The following MAP2 variants were observed in gnomAD, a reference collection of about 807,000 sequenced individuals.
MAP2 encodes the protein microtubule-associated protein 2.
In MAP2, 14 loss-of-function variants were observed where a neutral mutation model predicts 137.6. The ratio of observed to expected loss-of-function variants is 0.10; its 90% confidence interval spans 0.07 to 0.16. MAP2 has a LOEUF of 0.16. Ranked by LOEUF, MAP2 falls within the 10% of genes least tolerant of loss-of-function variation. The pLI is 1.00. For missense variants in MAP2, 2,088 were observed against 2,191.5 expected, an observed-to-expected ratio of 0.95 and a Z score of 0.94; for synonymous variants, 786 against 782.3, an observed-to-expected ratio of 1.00 and a Z score of -0.08.
chr2:209,506,588 C>T (rs984927994), intron 1 of MAP2, among the ~76,000 whole-genome samples: 2 of 152,182 alleles, frequency 1.3e-5, no homozygotes, highest in South Asian at 4.1e-4. Context: ...GTTCAAGAGA[C>T]AGGCTGACTT....
intron 2 of MAP2, among the ~76,000 whole-genome samples, chr2:209,521,588 G>A (rs1269841961): frequency 6.6e-6 from 1 of 151,774 alleles, no homozygotes; most frequent in Non-Finnish European, 1.5e-5. Context: ...AGGTTGTTAG[G>A]ACTGATATCT....
chr2:209,524,486 C>T (rs578258103), intron 2 of MAP2, among the ~76,000 whole-genome samples: 3 of 150,490 alleles, frequency 2.0e-5, no homozygotes, highest in South Asian at 2.1e-4. Flanking sequence ...TTAGTAGCCT[C>T]GAAACATGAG....
intron 2 of MAP2, among the ~76,000 whole-genome samples, chr2:209,527,785 C>T (rs568520651): frequency 1.3e-5 from 2 of 152,260 alleles, no homozygotes; most frequent in Admixed American, 1.3e-4. Context: ...TGGGCTCCAC[C>T]CCAGACCTAG....
intron 2 of MAP2, among the ~76,000 whole-genome samples, chr2:209,531,010 A>T (rs1023716330): frequency 1.3e-5 from 2 of 152,228 alleles, no homozygotes; most frequent in African/African-American, 4.8e-5. Context: ...AAATACAAAT[A>T]CAAAGTCCAC....
intron 1 of MAP2, among the ~76,000 whole-genome samples, chr2:209,453,289 C>A (rs1700718245): frequency 6.6e-6 from 1 of 152,008 alleles, no homozygotes. Flanking sequence ...CTCGTATTTT[C>A]TTTGTTTAAG....
chr2:209,711,497 A>T (rs894843574), intron 13 of MAP2, among the ~76,000 whole-genome samples: 1 of 152,194 alleles, frequency 6.6e-6, no homozygotes, highest in South Asian at 2.1e-4. Flanking sequence ...GAACAATGAT[A>T]ACATTCTATA....
intron 1 of MAP2, among the ~76,000 whole-genome samples, chr2:209,430,224 G>A (rs952065120): frequency 1.9e-4 from 29 of 150,454 alleles, no homozygotes; most frequent in African/African-American, 6.9e-4. Flanking sequence ...CTTATTTATT[G>A]TTTGAACAAA....
At chr2:209,453,142 T>C (rs1700687553) in intron 1 of MAP2, among the ~76,000 whole-genome samples, 2 of 152,236 alleles carry the variant, frequency 1.3e-5, no homozygotes, top group South Asian at 2.1e-4. Flanking sequence ...GTGTGCCTTA[T>C]GGTCTTTGTG....
intron 2 of MAP2, among the ~76,000 whole-genome samples, chr2:209,565,025 C>G (rs556249496): frequency 6.6e-6 from 1 of 152,278 alleles, no homozygotes; most frequent in African/African-American, 2.4e-5. Context: ...CTCCCACCAT[C>G]ATAAATACCG....
chr2:209,623,719 A>G (rs546422293), intron 3 of MAP2, among the ~76,000 whole-genome samples: 2 of 152,280 alleles, frequency 1.3e-5, no homozygotes, highest in African/African-American at 2.4e-5. Flanking sequence ...ATACTGTTAT[A>G]TATATTCCAA....
At chr2:209,715,841 A>G (rs539160650) in intron 13 of MAP2, among the ~76,000 whole-genome samples, 267 of 152,304 alleles carry the variant, frequency 1.8e-3, no homozygotes, top group African/African-American at 6.2e-3. Context: ...TTATGCTATT[A>G]TTACATTATT....
intron 10 of MAP2, among the ~76,000 whole-genome samples, chr2:209,699,694 T>C (rs1404609165): frequency 6.6e-6 from 1 of 152,204 alleles, no homozygotes; most frequent in Admixed American, 6.5e-5. Flanking sequence ...AAGCTATTTT[T>C]CTTCCCTTCT....
intron 5 of MAP2, among the ~76,000 whole-genome samples, chr2:209,659,577 A>G (rs1013159174): frequency 6.6e-6 from 1 of 152,220 alleles, no homozygotes; most frequent in Admixed American, 6.5e-5. Context: ...TTTAAGTGAT[A>G]TGATATCATA....
At position 209,525,054 on chromosome 2, in the gene MAP2, C is replaced by T. The variant is rs150097562; in HGVS notation, c.-172+17413C>T. Among the ~76,000 whole-genome samples the T allele has an allele frequency of 7.2e-5, 11 of 151,962 alleles. No individual in the cohort carries two copies. In the East Asian group the frequency reaches 1.7e-3, roughly 24 times the overall value. Reference sequence around the variant, plus strand: ...GTATATAAATTAAATGGAGATGAGCCGTATTATTTTTAATATACGTTCTAG... The same window carrying T: ...GTATATAAATTAAATGGAGATGAGCTGTATTATTTTTAATATACGTTCTAG... On this transcript the variant is annotated intron_variant, in intron 2 of 15. Coordinates refer to ENST00000682079, the MANE Select transcript of MAP2 (RefSeq NM_001375505.1).
chr2:209,474,428 A>C (rs1218558276), intron 1 of MAP2, among the ~76,000 whole-genome samples: 1 of 152,044 alleles, frequency 6.6e-6, no homozygotes, highest in Non-Finnish European at 1.5e-5. Context: ...ATAATTATTT[A>C]TTGCTTATTC....
At chr2:209,632,599 A>G (rs2093189177) in intron 4 of MAP2, among the ~76,000 whole-genome samples, 1 of 152,144 alleles carries the variant, frequency 6.6e-6, no homozygotes, top group African/African-American at 2.4e-5. Context: ...AGTTTCTACC[A>G]TGCTCTGGCC....
intron 1 of MAP2, among the ~76,000 whole-genome samples, chr2:209,485,846 A>G (rs1467072272): frequency 6.6e-6 from 1 of 152,220 alleles, no homozygotes; most frequent in East Asian, 1.9e-4. Flanking sequence ...ATAGTTGTAG[A>G]TCAGGGATCT....
At chr2:209,450,391 T>C (rs1248875664) in intron 1 of MAP2, among the ~76,000 whole-genome samples, 3 of 152,228 alleles carry the variant, frequency 2.0e-5, no homozygotes, top group Non-Finnish European at 4.4e-5. Flanking sequence ...TCGCTTGGCC[T>C]CAGTAACAAG....
chr2:209,528,270 G>A (rs187262267), intron 2 of MAP2, among the ~76,000 whole-genome samples: 11 of 152,140 alleles, frequency 7.2e-5, no homozygotes, highest in African/African-American at 2.7e-4. Context: ...CAGCTCTTCA[G>A]GACAAATACT....
Sources: allele counts gnomAD v4.1 joint callset (sites outside exome capture counted in the v4.1 genomes callset), GRCh38; gene constraint gnomAD v4.1.1; transcripts MANE v1.5; gene names NCBI Gene and HGNC (gene_info 2026-07-23, HGNC 2026-07-21).